Variants in ZNF644 observed in about 807,000 individuals in gnomAD.
ZNF644 encodes zinc finger protein 644, also known as zinc finger motif enhancer binding protein 2.
A neutral mutation model predicts 108.0 loss-of-function variants in ZNF644; 20 were observed. That is an observed-to-expected ratio of 0.19 (90% confidence interval 0.13 to 0.27). The LOEUF (loss-of-function observed/expected upper bound fraction) is 0.27. Ranked by LOEUF, ZNF644 falls within the 10% of genes least tolerant of loss-of-function variation. The probability of loss-of-function intolerance (pLI) is 1.00; values close to 1 mark genes in which losing one functional copy is unlikely to be tolerated. For missense variants in ZNF644, 1,338 were observed against 1,548.9 expected (o/e 0.86, Z 2.29); for synonymous variants, 542 against 539.1 (o/e 1.01, Z -0.08).
At chr1:90,968,855 A>T (rs922474112) in intron 2 of ZNF644, among the ~76,000 whole-genome samples, 1 of 152,216 alleles carries the variant, frequency 6.6e-6, no homozygotes, top group Non-Finnish European at 1.5e-5. Flanking sequence ...ATATATGCAC[A>T]TCTAGATGCA....
chr1:90,968,874 A>G (rs909705279), intron 2 of ZNF644, among the ~76,000 whole-genome samples: 4 of 152,156 alleles, frequency 2.6e-5, no homozygotes, highest in Non-Finnish European at 1.5e-5. Flanking sequence ...CATTTATCCT[A>G]TTTACTTGCC....
At chr1:90,922,203 TA>T (rs1344121128) in intron 4 of ZNF644, among the ~76,000 whole-genome samples, 1 of 152,208 alleles carries the variant, frequency 6.6e-6, no homozygotes, top group Non-Finnish European at 1.5e-5. Flanking sequence ...GCCACCGAAG[TA>T]TTTTTATTTG....
chr1:91,008,918 A>T lies in ZNF644; in HGVS notation c.-18+13072T>A, dbSNP rs576724523. ...GAAGGCTGTGTACCCAAAGCTGGAA[A>T]GGACTTCATCAGTACTGACCATCAG... On this transcript the variant is annotated intron_variant, in intron 1 of 5. Coordinates refer to ENST00000337393, the MANE Select transcript of ZNF644 (RefSeq NM_201269.3). 3.9e-5 allele frequency among the ~76,000 whole-genome samples: 6 copies of T among 152,338 alleles called. No individual in the cohort carries two copies. In the South Asian group the frequency reaches 8.3e-4, roughly 21 times the overall value.
intron 2 of ZNF644, among the ~76,000 whole-genome samples, chr1:90,968,767 T>G (rs1655176660): frequency 6.6e-6 from 1 of 152,202 alleles, no homozygotes; most frequent in African/African-American, 2.4e-5. Context: ...TCCTGAATAC[T>G]TTAAGGATAC....
intron 4 of ZNF644, among the ~76,000 whole-genome samples, chr1:90,924,233 T>C (rs1649776232): frequency 1.3e-5 from 2 of 152,184 alleles, no homozygotes; most frequent in African/African-American, 4.8e-5. Context: ...GTATTACTTC[T>C]TTGTGGTGAC....
chr1:90,944,190 C>T (rs530120297), intron 2 of ZNF644, among the ~76,000 whole-genome samples: 19 of 152,238 alleles, frequency 1.2e-4, no homozygotes, highest in South Asian at 4.2e-4. Flanking sequence ...ATGGAACAGA[C>T]GCTTCCCATT....
At chr1:91,001,769 T>C (rs1423673497) in intron 1 of ZNF644, among the ~76,000 whole-genome samples, 10 of 152,204 alleles carry the variant, frequency 6.6e-5, no homozygotes, top group South Asian at 2.1e-4. Flanking sequence ...GATGACATGA[T>C]TGTATATTTA....
chr1:90,973,663 CAT>C (rs147248497), intron 2 of ZNF644, among the ~76,000 whole-genome samples: 1 of 151,370 alleles, frequency 6.6e-6, no homozygotes, highest in Admixed American at 6.6e-5. Context: ...TTTAAGAAAA[CAT>C]ATATATATAT....
chr1:90,938,632 G>C lies in ZNF644; in HGVS notation c.2722C>G (p.Leu908Val), dbSNP rs1160736328. 1.9e-6 allele frequency: 3 copies of C among 1,610,664 alleles called. No homozygotes were observed. The highest frequency in any genetic ancestry group is 3.4e-5 in the Admixed American group (2 of 59,430). The change falls in exon 3 of 6, where the codon CTT becomes GTT. Residue 908 changes from leucine to valine, a missense_variant. By Grantham distance (32) the Leu-to-Val change is conservative. This residue lies in a region of ZNF644 where 462 missense variants were observed against 472.6 expected (regional missense o/e 0.98). Coordinates refer to ENST00000337393, the MANE Select transcript of ZNF644 (RefSeq NM_201269.3). The surrounding 1 kb of genome is among the most constrained non-coding windows in gnomAD (Gnocchi z 4.2). ...AAGCCATCGTTTTGGTCATAACTAA[G>C]AGTAGCATTTTCTCCAGGCTCCTGA... ...EGQEPGENAT[L>V]SYDQNDGFYF...
intron 2 of ZNF644, among the ~76,000 whole-genome samples, chr1:90,974,386 G>A (rs1392300129): frequency 6.6e-6 from 1 of 151,842 alleles, no homozygotes; most frequent in African/African-American, 2.4e-5. Flanking sequence ...CTCACATCTC[G>A]AGTTATAGAT....
At chr1:90,932,337 A>C (rs1650824829) in intron 4 of ZNF644, among the ~76,000 whole-genome samples, 1 of 152,176 alleles carries the variant, frequency 6.6e-6, no homozygotes, top group Non-Finnish European at 1.5e-5. Context: ...CACACAACTT[A>C]AAATCTACAT....
chr1:91,019,633 C>G (rs901822816), intron 1 of ZNF644, among the ~76,000 whole-genome samples: 1 of 152,116 alleles, frequency 6.6e-6, no homozygotes, highest in Admixed American at 6.5e-5. Flanking sequence ...TGCAGTGCCA[C>G]GATCTCAGCT....
chr1:91,014,082 G>A (rs148456277), intron 1 of ZNF644, among the ~76,000 whole-genome samples: 1 of 152,060 alleles, frequency 6.6e-6, no homozygotes, highest in Non-Finnish European at 1.5e-5. Flanking sequence ...AATACAAATT[G>A]TATATATTTA....
intron 1 of ZNF644, among the ~76,000 whole-genome samples, chr1:91,012,805 T>C (rs1660079634): frequency 6.6e-6 from 1 of 152,158 alleles, no homozygotes; most frequent in Admixed American, 6.5e-5. Flanking sequence ...CACTGAGTTG[T>C]ACTTAAGATT....
At chr1:90,989,423 G>A (rs543701119) in intron 1 of ZNF644, among the ~76,000 whole-genome samples, 5 of 151,988 alleles carry the variant, frequency 3.3e-5, no homozygotes, top group Admixed American at 2.6e-4. Context: ...CGCGTTTGTA[G>A]TACCAGCTAC....
chr1:90,946,713 C>G (rs1313814691), intron 2 of ZNF644, among the ~76,000 whole-genome samples: 2 of 151,986 alleles, frequency 1.3e-5, no homozygotes, highest in Non-Finnish European at 2.9e-5. Context: ...CTCAATGTTA[C>G]AGCCAGAGAT....
chr1:90,940,894 T>A lies in ZNF644; in HGVS notation c.460A>T (p.Thr154Ser), dbSNP rs556547115. The change falls in exon 3 of 6, where the codon ACT becomes TCT. Residue 154 changes from threonine to serine, a missense_variant. Coordinates refer to ENST00000337393, the MANE Select transcript of ZNF644 (RefSeq NM_201269.3). ...TGAAGATCAGCTGCTACCTTCAAAG[T>A]TGAACAAGATTCTGTTGTTGGCTGA... ...VDQPTTESCS[T>S]LKVAADLQLS... 1 of 1,614,118 alleles carries A rather than the reference T, an allele frequency of 6.2e-7. No homozygotes were observed.
At chr1:90,957,841 T>C (rs1320163024) in intron 2 of ZNF644, among the ~76,000 whole-genome samples, 1 of 152,176 alleles carries the variant, frequency 6.6e-6, no homozygotes, top group Admixed American at 6.5e-5. Context: ...CTATCTCTAT[T>C]TGTGAATGAC....
At chr1:90,942,606 CAAAGTA>C (rs1316679555) in intron 2 of ZNF644, among the ~76,000 whole-genome samples, 1 of 152,158 alleles carries the variant, frequency 6.6e-6, no homozygotes, top group Non-Finnish European at 1.5e-5. Flanking sequence ...TTTCAAAAAT[CAAAGTA>C]AAAGTTCCTA....
Sources: gnomAD v4.1 joint callset for allele counts (sites outside exome capture counted in the v4.1 genomes callset) on GRCh38, gnomAD v4.1.1 for gene constraint, gnomAD v4.1.1 regional missense constraint, Gnocchi (gnomAD v3.1) non-coding constraint, MANE v1.5 for transcripts, NCBI Gene and HGNC (gene_info 2026-07-23, HGNC 2026-07-21) for gene names.